The following SCGB2B2 variants were observed in gnomAD, a reference collection of about 807,000 sequenced individuals.
SCGB2B2 encodes secretoglobin-like protein.
SCGB2B2 carries 11 observed loss-of-function variants against 7.6 expected under a neutral mutation model. The observed-to-expected ratio is 1.45, with a 90% CI of 0.91 to 2.40. SCGB2B2 has a LOEUF of 2.40. Among genes scored for constraint, SCGB2B2 ranks in the 30% most tolerant of loss-of-function variants. The pLI is 0.00. For missense variants in SCGB2B2, 104 were observed against 115.4 expected, an observed-to-expected ratio of 0.90 and a Z score of 0.45; for synonymous variants, 50 against 48.6, an observed-to-expected ratio of 1.03 and a Z score of -0.12.
At chr19:34,622,230 G>C (rs2145902036) in intron 1 of SCGB2B2, among the ~76,000 whole-genome samples, 1 of 152,258 alleles carries the variant, frequency 6.6e-6, no homozygotes, top group South Asian at 2.1e-4. Flanking sequence ...AAAACTCCCA[G>C]GGCCATTCTC....
rs535632440 is a variant in SCGB2B2 at position 34,664,707 on chromosome 19, GA to G, written c.-2032+10922del. On this transcript the variant is annotated intron_variant, in intron 1 of 3. Coordinates refer to ENST00000601241, the MANE Select transcript of SCGB2B2 (RefSeq NM_001025591.4). ...CGGAAGCTCTAGGGCCCCGGCCACT[GA>G]GAAGCCCTAGCCCTGAGTCAGCCTC... is the stretch of plus-strand genomic sequence containing the variant. Among the ~76,000 whole-genome samples, 484 of 152,278 alleles carry G rather than the reference GA, an allele frequency of 3.2e-3. 2 individuals are homozygous for G. The highest frequency in any genetic ancestry group is 0.011 in the African/African-American group (457 of 41,554).
intron 1 of SCGB2B2, among the ~76,000 whole-genome samples, chr19:34,600,703 T>C (rs1178206775): frequency 1.3e-5 from 2 of 152,226 alleles, no homozygotes; most frequent in Admixed American, 1.3e-4. Flanking sequence ...TTCCCATTTA[T>C]ATATTGCATG....
intron 1 of SCGB2B2, among the ~76,000 whole-genome samples, chr19:34,613,427 A>G (rs1249390212): frequency 6.6e-6 from 1 of 152,158 alleles, no homozygotes; most frequent in Non-Finnish European, 1.5e-5. Context: ...ATTGGTATAT[A>G]TCTTTATAGG....
At chr19:34,669,421 C>A (rs1047019992) in intron 1 of SCGB2B2, among the ~76,000 whole-genome samples, 4 of 152,194 alleles carry the variant, frequency 2.6e-5, no homozygotes, top group African/African-American at 9.7e-5. Context: ...TTTGTTGAAC[C>A]GGCACTCGGT....
At chr19:34,626,285 A>C (rs984638160) in intron 1 of SCGB2B2, among the ~76,000 whole-genome samples, 2 of 152,230 alleles carry the variant, frequency 1.3e-5, no homozygotes, top group African/African-American at 4.8e-5. Flanking sequence ...TGAGAGAAGA[A>C]GGCTTCAGAC....
At chr19:34,614,184 T>C (rs1350960183) in intron 1 of SCGB2B2, among the ~76,000 whole-genome samples, 1 of 152,202 alleles carries the variant, frequency 6.6e-6, no homozygotes, top group Non-Finnish European at 1.5e-5. Context: ...AATTATTTCA[T>C]TAAGTCAGTT....
chr19:34,653,251 A>C (rs1240388140), intron 1 of SCGB2B2, among the ~76,000 whole-genome samples: 1 of 151,194 alleles, frequency 6.6e-6, no homozygotes, highest in Non-Finnish European at 1.5e-5. Flanking sequence ...GATGGATACA[A>C]AAGTGCAGCT....
chr19:34,641,630 C>T (rs1364799117), intron 1 of SCGB2B2, among the ~76,000 whole-genome samples: 3 of 134,244 alleles, frequency 2.2e-5, no homozygotes, highest in Non-Finnish European at 4.8e-5. Flanking sequence ...AAGATCTTGA[C>T]AGTATGTAAA....
downstream of SCGB2B2, among the ~76,000 whole-genome samples, chr19:34,590,438 A>T (rs943513525): frequency 5.3e-5 from 8 of 152,156 alleles, no homozygotes; most frequent in African/African-American, 1.9e-4. Flanking sequence ...CCATAGATGC[A>T]TCTATCCACC....
At chr19:34,611,183 T>G (rs2065916477) in intron 1 of SCGB2B2, among the ~76,000 whole-genome samples, 1 of 147,828 alleles carries the variant, frequency 6.8e-6, no homozygotes, top group African/African-American at 2.4e-5. Context: ...TATTTCATTT[T>G]TGGTTTTATT....
At position 34,676,572 on chromosome 19, in the gene SCGB2B2, T is replaced by C. The variant is rs944355556; in HGVS notation, c.-2974A>G. The C allele has an allele frequency of 3.9e-5, 6 of 152,198 alleles. No individual in the cohort carries two copies. The highest frequency in any genetic ancestry group is 1.9e-4 in the East Asian group (1 of 5,186). The allele number at this position is 152,198 out of a possible 1,614,324, so 9.4% of individuals were successfully genotyped here. A position where few individuals can be genotyped will look rare whatever the true frequency, so the allele number is the denominator to read the frequency against. On this transcript the variant is annotated 5_prime_UTR_variant, in exon 1 of 4. Transcript: ENST00000601241. Reference sequence around the variant, plus strand: ...AACAATGGAGTACCCATTGTTTCTTTACTTTCTTAATACACTTGCTTTGGC... The same window carrying C: ...AACAATGGAGTACCCATTGTTTCTTCACTTTCTTAATACACTTGCTTTGGC...
intron 1 of SCGB2B2, chr19:34,637,682 T>C (rs1189071429): frequency 6.5e-6 from 1 of 152,870 alleles, no homozygotes; most frequent in Non-Finnish European, 1.5e-5. Flanking sequence ...TATTTATTTA[T>C]ATGGTTTTTA....
At chr19:34,622,221 A>T (rs2066260624) in intron 1 of SCGB2B2, among the ~76,000 whole-genome samples, 1 of 152,158 alleles carries the variant, frequency 6.6e-6, no homozygotes, top group Non-Finnish European at 1.5e-5. Flanking sequence ...GCCTGAGTTA[A>T]AACTCCCAGG....
chr19:34,610,110 AT>A (rs1309928698), intron 1 of SCGB2B2, among the ~76,000 whole-genome samples: 1 of 151,436 alleles, frequency 6.6e-6, no homozygotes. Context: ...TCCTTTACTA[AT>A]TTGTTGCTGA....
intron 1 of SCGB2B2, among the ~76,000 whole-genome samples, chr19:34,658,414 G>A (rs1373784328): frequency 1.3e-5 from 2 of 151,926 alleles, no homozygotes; most frequent in Non-Finnish European, 2.9e-5. Flanking sequence ...AATGATAAAG[G>A]GGATATCACC....
At chr19:34,666,738 T>A (rs1375803203) in intron 1 of SCGB2B2, among the ~76,000 whole-genome samples, 1 of 152,148 alleles carries the variant, frequency 6.6e-6, no homozygotes, top group Non-Finnish European at 1.5e-5. Flanking sequence ...CCGCACTGCA[T>A]GGCGCCCACC....
At chr19:34,656,525 C>A (rs2067287736) in intron 1 of SCGB2B2, among the ~76,000 whole-genome samples, 1 of 151,162 alleles carries the variant, frequency 6.6e-6, no homozygotes, top group South Asian at 2.1e-4. Flanking sequence ...ATCGCTTAAG[C>A]CCAGGAGGAT....
At position 34,591,143 on chromosome 19, in the gene SCGB2B2, C is replaced by T. The variant is rs117230682; in HGVS notation, c.*2412G>A. The stretch of plus-strand genomic sequence containing the variant: ...CTCCAAACTAGAGCGTCTCACACCC[C>T]CTGTGTCCCGTCCTCCTGGATAGCT... On this transcript the variant is annotated 3_prime_UTR_variant, in exon 4 of 4. Coordinates refer to ENST00000601241, the MANE Select transcript of SCGB2B2 (RefSeq NM_001025591.4). Among the ~76,000 whole-genome samples the T allele has an allele frequency of 3.9e-5, 6 of 152,180 alleles. No individual in the cohort carries two copies. The highest frequency in any genetic ancestry group is 1.4e-4 in the African/African-American group (6 of 41,442).
intron 1 of SCGB2B2, among the ~76,000 whole-genome samples, chr19:34,638,564 C>A (rs1008052610): frequency 1.3e-5 from 2 of 151,992 alleles, no homozygotes; most frequent in South Asian, 2.1e-4. Context: ...TATATTTCCA[C>A]GGCCAACTGT....
Sources: gnomAD v4.1 joint callset for allele counts (sites outside exome capture counted in the v4.1 genomes callset) on GRCh38, gnomAD v4.1.1 for gene constraint, MANE v1.5 for transcripts, NCBI Gene and HGNC (gene_info 2026-07-23, HGNC 2026-07-21) for gene names.